AP1S2: variants seen among roughly 807,000 people sequenced by gnomAD.
AP1S2 encodes adaptor related protein complex 1 subunit sigma 2.
In AP1S2, 1 loss-of-function variant was observed where a neutral mutation model predicts 14.3. The ratio of observed to expected loss-of-function variants is 0.07; its 90% CI spans 0.02 to 0.33. The LOEUF is 0.33. Among genes scored for constraint, AP1S2 ranks in the 10% least tolerant of loss-of-function variants. The pLI is 0.99. For synonymous variants in AP1S2, 30 were observed against 40.5 expected (o/e 0.74, Z 0.99); for missense variants, 30 against 117.7 (o/e 0.25, Z 3.45).
At chrX:15,845,627 C>T (rs1390349644) in intron 3 of AP1S2, 111 bp from the exon 4 acceptor site, 3 of 991,349 alleles carry the variant, frequency 3.0e-6, no homozygotes, top group Non-Finnish European at 4.1e-6. Context: ...TAGAGTGAAT[C>T]AATCTTAACT....
At chrX:15,834,481 A>ATATATATATT (rs1569080380) in intron 4 of AP1S2, among the ~76,000 whole-genome samples, 8 of 13,011 alleles carry the variant, frequency 6.1e-4, no homozygotes, top group Non-Finnish European at 7.2e-4. Context: ...TATATATATA[A>ATATATATATT]TTTTTTTTTT....
At chrX:15,831,940 AGTTCATTT>A (rs1933448928) in intron 4 of AP1S2, 1 of 744,303 alleles carries the variant, frequency 1.3e-6, no homozygotes, top group African/African-American at 2.3e-5. Context: ...TAAATTCATT[AGTTCATTT>A]GTATTACATA....
chrX:15,852,894 G>A (rs1934221866), intron 1 of AP1S2: 1 of 746,601 alleles, frequency 1.3e-6, no homozygotes. Context: ...AAAAGAGAAT[G>A]GTAGACATCA....
intron 4 of AP1S2, chrX:15,830,109 T>C (rs1933385134): frequency 1.3e-6 from 1 of 747,954 alleles, no homozygotes; most frequent in African/African-American, 2.3e-5. Flanking sequence ...TTTCAGAATC[T>C]ACTAATTTAA....
At chrX:15,830,250 G>A (rs780976525) in intron 4 of AP1S2, 1 of 747,912 alleles carries the variant, frequency 1.3e-6, no homozygotes, top group East Asian at 1.5e-4. Flanking sequence ...AATATATTGT[G>A]GGGCAGGAGG....
chrX:15,854,653 A>C (rs1601873858), intron 1 of AP1S2, 35 bp downstream of exon 1: 82 of 419,354 alleles, frequency 2.0e-4, no homozygotes, highest in East Asian at 2.1e-4. Flanking sequence ...CCTCTCCCCC[A>C]TCCCCGGCGC....
rs755358393 is a variant in AP1S2 at position 15,845,514 on chromosome X, G to C, written c.291C>G (p.Val97=). 5 of 1,195,329 alleles carry C rather than the reference G, an allele frequency of 4.2e-6. No homozygotes were observed. The East Asian group carries it at 1.5e-4, about 36-fold the overall frequency. The change falls in exon 4 of 6, where the codon GTC becomes GTG. Residue 97 remains valine, a splice_region_variant and synonymous_variant. Coordinates refer to ENST00000672987, the MANE Select transcript of AP1S2 (RefSeq NM_001272071.2). ...VELLDKYFGS[V]CELDIIFNFE... ...AATTAAAGATGATATCTAGTTCACAGACCTGAAAAGGAAAAAAAAAAGAAA... is the reference window on the plus strand; with the variant it reads ...AATTAAAGATGATATCTAGTTCACACACCTGAAAAGGAAAAAAAAAAGAAA...
intron 3 of AP1S2, 86 bp downstream of exon 3, chrX:15,845,817 C>A: frequency 1.1e-6 from 1 of 877,524 alleles, no homozygotes; most frequent in Non-Finnish European, 1.7e-6. Context: ...TTAGAATCCC[C>A]AAGACAACCA....
chrX:15,854,461 C>G lies in AP1S2; in HGVS notation c.-1+227G>C, dbSNP rs113272393. 0.1 allele frequency among the ~76,000 whole-genome samples: 11,353 copies of G among 112,176 alleles called. 482 individuals carry two copies. Among genetic ancestry groups the G allele is most frequent in the East Asian group, 0.33 (1,124 of 3,451 alleles). On this transcript the variant is annotated intron_variant, in intron 1 of 5. Coordinates refer to ENST00000672987, the MANE Select transcript of AP1S2 (RefSeq NM_001272071.2). ...TTCCCGAACCACAGGTGCCGCGAGGCTGTCGCGGAGCCCGGGACTGGCCCC... is the reference window on the plus strand; with the variant it reads ...TTCCCGAACCACAGGTGCCGCGAGGGTGTCGCGGAGCCCGGGACTGGCCCC...
chrX:15,845,814 C>T, intron 3 of AP1S2, 89 bp downstream of exon 3: 2 of 846,453 alleles, frequency 2.4e-6, no homozygotes, highest in South Asian at 4.1e-5. Context: ...CGGTTAGAAT[C>T]CCCAAGACAA....
At chrX:15,846,575 C>T (rs1350587180) in intron 2 of AP1S2, among the ~76,000 whole-genome samples, 3 of 111,832 alleles carry the variant, frequency 2.7e-5, no homozygotes, top group Admixed American at 9.5e-5. Flanking sequence ...AACCCTGAAA[C>T]TCCTCTGCTA....
At chrX:15,829,132 C>T (rs1177625969) in intron 4 of AP1S2, among the ~76,000 whole-genome samples, 1 of 110,816 alleles carries the variant, frequency 9.0e-6, no homozygotes. Context: ...GTGATGTGTA[C>T]ACGAGGGTTC....
At chrX:15,850,846 T>G (rs1224042768) in intron 2 of AP1S2, among the ~76,000 whole-genome samples, 2 of 111,574 alleles carry the variant, frequency 1.8e-5, no homozygotes, top group African/African-American at 6.5e-5. Flanking sequence ...GTTTAAAATC[T>G]TTGCCTCTAA....
chrX:15,835,245 T>C (rs1933596219), intron 4 of AP1S2, among the ~76,000 whole-genome samples: 1 of 112,483 alleles, frequency 8.9e-6, no homozygotes, highest in Non-Finnish European at 1.9e-5. Context: ...TAATTTCAAG[T>C]TATTGCTCTA....
At position 15,846,127 on chromosome X, in the gene AP1S2, C is replaced by T. The variant is rs1298549399; in HGVS notation, c.180-116G>A. 8 of 567,254 alleles carry T rather than the reference C, an allele frequency of 1.4e-5. 1 individual carries two copies. The highest frequency in any genetic ancestry group is 1.4e-4 in the South Asian group (5 of 35,745). The allele number at this position is 567,254 out of a possible 1,213,427, so 46.7% of individuals were successfully genotyped here. On this transcript the variant is annotated intron_variant, in intron 2 of 5. Transcript: ENST00000672987. ...TTTATACAGTTTATTTCTTCTTTCA[C>T]GACAGTACAGATTTTTCTCATAGAC...
chrX:15,844,720 A>G (rs1006575577), intron 4 of AP1S2, among the ~76,000 whole-genome samples: 1 of 112,418 alleles, frequency 8.9e-6, no homozygotes, highest in Middle Eastern at 4.6e-3. Flanking sequence ...CAAGATGACT[A>G]TGGTAATTAG....
chrX:15,832,843 T>C, intron 4 of AP1S2: 5 of 972,885 alleles, frequency 5.1e-6, no homozygotes, highest in Non-Finnish European at 2.6e-6. Context: ...AATTAGACTT[T>C]TCAGGTAATG....
intron 4 of AP1S2, chrX:15,833,082 C>G: frequency 1.9e-6 from 2 of 1,028,951 alleles, no homozygotes; most frequent in Non-Finnish European, 2.5e-6. Flanking sequence ...GTCAAATAAC[C>G]TTTTGCCTAA....
chrX:15,831,035 AT>A, intron 4 of AP1S2: 2 of 702,329 alleles, frequency 2.8e-6, no homozygotes, highest in Non-Finnish European at 3.4e-6. Flanking sequence ...ATTAGAACAC[AT>A]TAGCTCATAC....
Sources: gnomAD v4.1 joint callset for allele counts (sites outside exome capture counted in the v4.1 genomes callset) on GRCh38, gnomAD v4.1.1 for gene constraint, MANE v1.5 for transcripts, NCBI Gene and HGNC (gene_info 2026-07-23, HGNC 2026-07-21) for gene names.